The following MCTP1 variants were observed in gnomAD, a reference collection of about 807,000 sequenced individuals.
MCTP1 encodes multiple C2 and transmembrane domain containing 1, also known as multiple C2 and transmembrane domain-containing protein 1.
In MCTP1, 69 loss-of-function variants were observed where a neutral mutation model predicts 120.6. That is an observed-to-expected ratio of 0.57 (90% confidence interval 0.47 to 0.70). MCTP1 has a LOEUF of 0.70. Among genes scored for constraint, MCTP1 ranks in the 30% least tolerant of loss-of-function variants. The pLI is 0.00. For missense variants in MCTP1, 1,203 were observed against 1,248.8 expected (o/e 0.96, Z 0.55); for synonymous variants, 529 against 493.1 (o/e 1.07, Z -0.96).
At chr5:94,810,313 T>C (rs968343121) in intron 17 of MCTP1, among the ~76,000 whole-genome samples, 9 of 152,184 alleles carry the variant, frequency 5.9e-5, no homozygotes, top group South Asian at 2.1e-4. Context: ...CCTTTGTGTA[T>C]ATAAATGCTA....
intron 1 of MCTP1, among the ~76,000 whole-genome samples, chr5:95,215,261 G>A (rs182025921): frequency 3.9e-5 from 6 of 152,212 alleles, no homozygotes; most frequent in Non-Finnish European, 7.4e-5. Context: ...TCAATTAACT[G>A]ATTTCTTATT....
intron 19 of MCTP1, among the ~76,000 whole-genome samples, chr5:94,731,409 G>A (rs993536196): frequency 2.6e-5 from 4 of 152,202 alleles, no homozygotes; most frequent in Middle Eastern, 6.8e-3. Flanking sequence ...CTACTGCCTA[G>A]TATGTAGTAA....
At chr5:94,970,850 CT>C (rs34523281) in intron 2 of MCTP1, among the ~76,000 whole-genome samples, 40 of 147,008 alleles carry the variant, frequency 2.7e-4, no homozygotes, top group South Asian at 8.6e-4. Flanking sequence ...CTCTTCAATC[CT>C]TTTTTTTTTT....
intron 2 of MCTP1, among the ~76,000 whole-genome samples, chr5:94,953,620 A>G (rs972366553): frequency 2.7e-5 from 4 of 150,884 alleles, no homozygotes; most frequent in Admixed American, 6.6e-5. Flanking sequence ...TATTCCAGCA[A>G]TCCCGCTAGT....
intron 1 of MCTP1, among the ~76,000 whole-genome samples, chr5:95,262,004 G>A (rs1429624033): frequency 6.6e-6 from 1 of 152,186 alleles, no homozygotes; most frequent in African/African-American, 2.4e-5. Flanking sequence ...CCAGCCACTG[G>A]CCACTTGGAG....
chr5:94,886,561 C>T (rs1033110924), intron 12 of MCTP1, among the ~76,000 whole-genome samples: 1 of 152,166 alleles, frequency 6.6e-6, no homozygotes, highest in African/African-American at 2.4e-5. Flanking sequence ...CTTACAGTAA[C>T]AGGCTCATTT....
rs73140006 is a variant in MCTP1 at position 95,060,607 on chromosome 5, C to G, written c.721-43123G>C. On this transcript the variant is annotated intron_variant, in intron 1 of 22. Transcript: ENST00000515393. The stretch of plus-strand genomic sequence containing the variant: ...ACTAAAAAATTATCATCGTCTGTTG[C>G]TAGTTTATGAGTCTATCTAAATTGA... Among the ~76,000 whole-genome samples, 1,319 of 152,268 alleles carry G rather than the reference C, an allele frequency of 8.7e-3. 20 individuals are homozygous for G. Among genetic ancestry groups the G allele is most frequent in the African/African-American group, 0.03 (1,236 of 41,542 alleles).
chr5:95,226,514 C>T (rs1170275096), intron 1 of MCTP1, among the ~76,000 whole-genome samples: 1 of 152,080 alleles, frequency 6.6e-6, no homozygotes, highest in Non-Finnish European at 1.5e-5. Context: ...GGCCACACAT[C>T]CACTGCCAAT....
intron 20 of MCTP1, among the ~76,000 whole-genome samples, chr5:94,712,054 A>T (rs1176694211): frequency 6.6e-6 from 1 of 152,168 alleles, no homozygotes; most frequent in Non-Finnish European, 1.5e-5. Flanking sequence ...AAGAGGAACT[A>T]ACAAACATAT....
rs977899686 is a variant in MCTP1 at position 94,962,261 on chromosome 5, A to T, written c.839-8900T>A. 5.9e-5 allele frequency among the ~76,000 whole-genome samples: 9 copies of T among 152,226 alleles called. No homozygotes were observed. In the East Asian group the frequency reaches 1.4e-3, roughly 23 times the overall value. ...AGATTCCTTAAAGAACTAAAAGTAG[A>T]AGGACTATTTAATCCAACAATCCCA... On this transcript the variant is annotated intron_variant, in intron 2 of 22. Transcript: ENST00000515393.
intron 1 of MCTP1, among the ~76,000 whole-genome samples, chr5:95,201,117 A>C (rs1377423719): frequency 6.6e-6 from 1 of 152,110 alleles, no homozygotes; most frequent in African/African-American, 2.4e-5. Flanking sequence ...ATTTTAACAC[A>C]CTCCATTGGT....
intron 17 of MCTP1, among the ~76,000 whole-genome samples, chr5:94,844,266 C>T (rs1791777694): frequency 7.3e-6 from 1 of 136,244 alleles, no homozygotes; most frequent in Admixed American, 8.2e-5. Context: ...CGCGCCATTG[C>T]ACTCCAGCCT....
intron 19 of MCTP1, among the ~76,000 whole-genome samples, chr5:94,743,859 T>A (rs1212539409): frequency 1.3e-5 from 2 of 151,938 alleles, no homozygotes; most frequent in African/African-American, 4.8e-5. Flanking sequence ...CAGGATGGTC[T>A]CGATCTTCTG....
chr5:94,735,065 A>G (rs1763915002), intron 19 of MCTP1, among the ~76,000 whole-genome samples: 1 of 152,220 alleles, frequency 6.6e-6, no homozygotes, highest in Non-Finnish European at 1.5e-5. Flanking sequence ...CTTCTACTAC[A>G]AGAAGTGGAA....
At chr5:94,733,152 G>C (rs1251221224) in intron 19 of MCTP1, among the ~76,000 whole-genome samples, 1 of 152,116 alleles carries the variant, frequency 6.6e-6, no homozygotes, top group African/African-American at 2.4e-5. Flanking sequence ...CATTTTCAAA[G>C]TTACTATTTC....
intron 1 of MCTP1, among the ~76,000 whole-genome samples, chr5:95,032,507 T>A (rs1336454494): frequency 6.6e-6 from 1 of 151,732 alleles, no homozygotes; most frequent in Admixed American, 6.6e-5. Flanking sequence ...AACAACAAAG[T>A]TAAGATGGAA....
chr5:95,270,533 A>G (rs1277838684), intron 1 of MCTP1, among the ~76,000 whole-genome samples: 1 of 151,986 alleles, frequency 6.6e-6, no homozygotes, highest in Admixed American at 6.6e-5. Flanking sequence ...GGTTGGCCTC[A>G]GGCCAGAGGC....
At chr5:94,791,416 G>A (rs1172703084) in intron 18 of MCTP1, among the ~76,000 whole-genome samples, 1 of 151,908 alleles carries the variant, frequency 6.6e-6, no homozygotes, top group African/African-American at 2.4e-5. Flanking sequence ...AACTGATTGA[G>A]TCTAGGAGTT....
chr5:95,257,416 A>G (rs1757999512), intron 1 of MCTP1, among the ~76,000 whole-genome samples: 1 of 152,182 alleles, frequency 6.6e-6, no homozygotes, highest in Admixed American at 6.5e-5. Flanking sequence ...CATGATCTAG[A>G]ATTTGAAGAC....
Sources: allele counts gnomAD v4.1 joint callset (sites outside exome capture counted in the v4.1 genomes callset), GRCh38; gene constraint gnomAD v4.1.1; transcripts MANE v1.5; gene names NCBI Gene and HGNC (gene_info 2026-07-23, HGNC 2026-07-21).